The following IKZF4 variants were observed in gnomAD, a reference collection of about 807,000 sequenced individuals.
IKZF4 encodes the protein IKAROS family zinc finger 4, also known as zinc finger protein Eos.
IKZF4 carries 11 observed loss-of-function variants against 47.7 expected under a neutral mutation model. The observed-to-expected ratio is 0.23, with a 90% CI of 0.15 to 0.38. The LOEUF is 0.38. IKZF4 is among the 10% of genes least tolerant of loss of function. The pLI is 1.00. For synonymous variants in IKZF4, 298 were observed against 299.4 expected (o/e 1.00, Z 0.05); for missense variants, 557 against 784.9 (o/e 0.71, Z 3.47).
intron 2 of IKZF4, among the ~76,000 whole-genome samples, chr12:56,015,335 A>T (rs1410097463): frequency 6.6e-6 from 1 of 150,700 alleles, no homozygotes; most frequent in African/African-American, 2.4e-5. Context: ...TCCGCCTCCC[A>T]AAGTGCTGGA....
chr12:56,015,889 G>T (rs193235700), intron 2 of IKZF4, among the ~76,000 whole-genome samples: 15 of 152,148 alleles, frequency 9.9e-5, no homozygotes, highest in Non-Finnish European at 1.5e-4. Flanking sequence ...TGTTCCTAAG[G>T]GACCCTTCAA....
At position 56,034,673 on chromosome 12, in the gene IKZF4, C is replaced by G. The variant is rs757748223; in HGVS notation, c.1100C>G (p.Pro367Arg). The G allele has an allele frequency of 6.2e-7, 1 of 1,613,938 alleles. No individual in the cohort carries two copies. Among genetic ancestry groups the G allele is most frequent in the Non-Finnish European group, 8.5e-7 (1 of 1,179,906 alleles). The change falls in exon 8 of 8, where the codon CCT (proline) becomes CGT (arginine). Residue 367 changes from proline to arginine, a missense_variant. Around this residue, in one of 6 missense-constraint regions of IKZF4, gnomAD observed 280 missense variants for 314.0 expected, o/e 0.89. Coordinates refer to ENST00000547167, the MANE Select transcript of IKZF4 (RefSeq NM_022465.4). ...VELVAHHSLE[P>R]GFGSSLAFVG... ...TTGGTGGCACACCACAGCCTAGAGC[C>G]TGGCTTTGGAAGTTCCCTGGCCTTT...
chr12:56,021,867 G>A (rs1262039462), intron 1 of IKZF4: 3 of 485,290 alleles, frequency 6.2e-6, no homozygotes, highest in Admixed American at 7.2e-5. Context: ...TAGAGGTAGA[G>A]CTGCCTGGGG....
At chr12:56,021,758 T>C (rs1592926538) in intron 1 of IKZF4, 178 bp downstream of exon 1, 3 of 939,160 alleles carry the variant, frequency 3.2e-6, no homozygotes, top group Middle Eastern at 3.4e-4. Flanking sequence ...TTCCTCCTTA[T>C]ACTTGCGGAG....
At chr12:56,033,778 C>T (rs1006214430) in intron 7 of IKZF4, among the ~76,000 whole-genome samples, 9 of 152,130 alleles carry the variant, frequency 5.9e-5, no homozygotes, top group Non-Finnish European at 1.2e-4. Context: ...AATCTATCCT[C>T]AGGACAGGAG....
chr12:56,027,175 C>G, intron 4 of IKZF4, 134 bp downstream of exon 4: 1 of 770,816 alleles, frequency 1.3e-6, no homozygotes, highest in Non-Finnish European at 1.9e-6. Context: ...AGGGAAGGGT[C>G]TCACCCAGCA....
At chr12:56,033,623 T>C (rs763801182) in intron 7 of IKZF4, among the ~76,000 whole-genome samples, 42 of 151,832 alleles carry the variant, frequency 2.8e-4, no homozygotes, top group Non-Finnish European at 4.9e-4. Context: ...AGGAGAATGG[T>C]GTGAACCTGG....
At chr12:56,028,684 G>A (rs1894453389) in intron 5 of IKZF4, among the ~76,000 whole-genome samples, 1 of 151,742 alleles carries the variant, frequency 6.6e-6, no homozygotes. Flanking sequence ...CTGAGCTCAA[G>A]CCATCCTCCC....
Position 56,021,065 on chromosome 12 carries a change from T to G in IKZF4, c.-429T>G. On this transcript the variant is annotated 5_prime_UTR_variant, in exon 1 of 8. Transcript: ENST00000547167. Reference sequence around the variant, plus strand: ...CACACACTCTTGCCTCTCTCAGGCATTTGTTGTGCAGTTCCTCTTTGTCTG... The same window carrying G: ...CACACACTCTTGCCTCTCTCAGGCAGTTGTTGTGCAGTTCCTCTTTGTCTG... The G allele has an allele frequency of 1.7e-6, 2 of 1,189,756 alleles. No individual in the cohort carries two copies. Among genetic ancestry groups the G allele is most frequent in the East Asian group, 4.7e-5 (1 of 21,486 alleles). The allele number at this position is 1,189,756 out of a possible 1,614,324, so 73.7% of individuals were successfully genotyped here.
At chr12:56,021,862 G>C in intron 1 of IKZF4, 2 of 501,628 alleles carry the variant, frequency 4.0e-6, no homozygotes, top group Non-Finnish European at 7.2e-6. Flanking sequence ...GGGGATAGAG[G>C]TAGAGCTGCC....
At chr12:56,013,135 C>T (rs1891543452) in intron 2 of IKZF4, among the ~76,000 whole-genome samples, 1 of 152,158 alleles carries the variant, frequency 6.6e-6, no homozygotes, top group Non-Finnish European at 1.5e-5. Context: ...TTGTATTCAG[C>T]TCACAGCTGA....
chr12:56,025,260 T>C (rs1009321321), intron 3 of IKZF4, 102 bp downstream of exon 3: 35 of 1,287,192 alleles, frequency 2.7e-5, no homozygotes, highest in Non-Finnish European at 3.4e-5. Flanking sequence ...CGTCACCTCC[T>C]GCTGGTCTCC....
In IKZF4 at chr12:56,035,283, G is replaced by A; in HGVS notation, c.1710G>A (p.Arg570=). 6.2e-7 allele frequency: 1 copy of A among 1,613,904 alleles called. No individual in the cohort carries two copies. The highest frequency in any genetic ancestry group is 8.5e-7 in the Non-Finnish European group (1 of 1,179,856). ...CNICGYHSQD[R]YEFSSHIVRG... Reference sequence around the variant, plus strand: ...TCTGTGGTTATCACAGCCAGGACCGGTACGAATTCTCTTCCCACATTGTCC... The same window carrying A: ...TCTGTGGTTATCACAGCCAGGACCGATACGAATTCTCTTCCCACATTGTCC... Residue 570 remains arginine, a synonymous_variant, in exon 8 of 8, where the codon CGG becomes CGA. Transcript: ENST00000547167. The surrounding 1 kb of genome is among the most constrained non-coding windows in gnomAD (Gnocchi z 6.1).
upstream of IKZF4, among the ~76,000 whole-genome samples, chr12:56,018,936 A>T (rs1479307625): frequency 6.6e-6 from 1 of 151,700 alleles, no homozygotes; most frequent in African/African-American, 2.4e-5. Context: ...TACAAAAATT[A>T]GGCCAGGCAC....
In IKZF4 at chr12:56,021,274, CCTCTCTCT is replaced by C. The variant is rs748445477; in HGVS notation, c.-206_-199del. The C allele has an allele frequency of 7.9e-5, 103 of 1,309,662 alleles. No homozygotes were observed. The highest frequency in any genetic ancestry group is 9.7e-5 in the Non-Finnish European group (97 of 1,001,096). 81.1% of individuals were successfully genotyped at this position (1,309,662 alleles called of 1,614,324 possible). Reference sequence around the variant, plus strand: ...GCGTGCTCTCCCCTCTCCTTCTCTCCCTCTCTCTCTCTCTCTCTCTCACACACACACAC... The same window carrying C: ...GCGTGCTCTCCCCTCTCCTTCTCTCCCTCTCTCTCTCTCACACACACACAC... On this transcript the variant is annotated 5_prime_UTR_variant, in exon 1 of 8. Transcript: ENST00000547167.
intron 7 of IKZF4, among the ~76,000 whole-genome samples, chr12:56,034,155 C>T (rs1297062284): frequency 6.6e-6 from 1 of 152,164 alleles, no homozygotes. Flanking sequence ...CCCGCCTCAG[C>T]CTCCCAAAGT....
At chr12:56,014,873 G>C (rs2136564473) in intron 2 of IKZF4, among the ~76,000 whole-genome samples, 1 of 152,294 alleles carries the variant, frequency 6.6e-6, no homozygotes, top group Middle Eastern at 3.4e-3. Flanking sequence ...AGGTTTAATA[G>C]AAAGAGGACA....
At chr12:56,018,454 A>T (rs76315200), upstream of IKZF4, among the ~76,000 whole-genome samples, 74 of 152,318 alleles carry the variant, frequency 4.9e-4, no homozygotes, top group African/African-American at 1.7e-3. Flanking sequence ...AAGCAAATAG[A>T]TGGAAACAAG....
chr12:56,012,377 C>T (rs1891438354), intron 2 of IKZF4, among the ~76,000 whole-genome samples: 1 of 150,658 alleles, frequency 6.6e-6, no homozygotes, highest in Non-Finnish European at 1.5e-5. Flanking sequence ...TGGGTTCAAG[C>T]GATTCTCCTG....
Sources: gnomAD v4.1 joint callset for allele counts (sites outside exome capture counted in the v4.1 genomes callset) on GRCh38, gnomAD v4.1.1 for gene constraint, gnomAD v4.1.1 regional missense constraint, Gnocchi (gnomAD v3.1) non-coding constraint, MANE v1.5 for transcripts, NCBI Gene and HGNC (gene_info 2026-07-23, HGNC 2026-07-21) for gene names.